XKR4: variants seen among roughly 807,000 people sequenced by gnomAD.
XKR4 encodes the protein XK-related protein 4.
In XKR4, 12 loss-of-function variants were observed where a neutral mutation model predicts 53.9. The observed-to-expected ratio is 0.22, with a 90% CI of 0.14 to 0.36. The LOEUF (loss-of-function observed/expected upper bound fraction) is 0.36, where lower values mean the gene tolerates loss of function less well. XKR4 is among the 10% of genes least tolerant of loss of function. XKR4 has a pLI of 1.00. For synonymous variants in XKR4, 354 were observed against 362.4 expected, an observed-to-expected ratio of 0.98 and a Z score of 0.26; for missense variants, 799 against 859.5, an observed-to-expected ratio of 0.93 and a Z score of 0.88.
intron 2 of XKR4, among the ~76,000 whole-genome samples, chr8:55,392,790 CAAAT>C (rs1019180808): frequency 6.6e-6 from 1 of 152,042 alleles, no homozygotes; most frequent in Non-Finnish European, 1.5e-5. Context: ...GACCCTTTCT[CAAAT>C]AAATAAATAA....
intron 2 of XKR4, chr8:55,454,661 C>A: frequency 1.0e-6 from 1 of 988,842 alleles, no homozygotes; most frequent in Non-Finnish European, 1.6e-6. Context: ...AGCAGGTTCC[C>A]AATTACGTTC....
At chr8:55,226,815 A>G (rs1817959337) in intron 1 of XKR4, among the ~76,000 whole-genome samples, 1 of 152,212 alleles carries the variant, frequency 6.6e-6, no homozygotes, top group East Asian at 1.9e-4. Flanking sequence ...CACTGACAGC[A>G]GAGTATCTTC....
intron 2 of XKR4, among the ~76,000 whole-genome samples, chr8:55,390,088 A>G (rs1009787574): frequency 6.6e-6 from 1 of 152,232 alleles, no homozygotes; most frequent in Non-Finnish European, 1.5e-5. Flanking sequence ...CTCAATTTCC[A>G]GTAAGTTTGT....
chr8:55,207,807 T>C (rs1276532597), intron 1 of XKR4, among the ~76,000 whole-genome samples: 1 of 151,974 alleles, frequency 6.6e-6, no homozygotes, highest in Non-Finnish European at 1.5e-5. Context: ...ATTTGGGCCA[T>C]GTGATTAAAT....
At chr8:55,224,865 G>A (rs1817931903) in intron 1 of XKR4, among the ~76,000 whole-genome samples, 1 of 152,088 alleles carries the variant, frequency 6.6e-6, no homozygotes, top group Non-Finnish European at 1.5e-5. Context: ...AGAAACATTG[G>A]TTTCAAATAA....
intron 1 of XKR4, among the ~76,000 whole-genome samples, chr8:55,255,508 G>T (rs953073050): frequency 6.6e-6 from 1 of 152,038 alleles, no homozygotes; most frequent in African/African-American, 2.4e-5. Context: ...GCGAAGACTG[G>T]GTCTTTTGTC....
At chr8:55,190,742 G>A (rs531253308) in intron 1 of XKR4, among the ~76,000 whole-genome samples, 2 of 152,252 alleles carry the variant, frequency 1.3e-5, no homozygotes, top group East Asian at 1.9e-4. Flanking sequence ...AGTATGTTGC[G>A]TTCTGGACCA....
intron 1 of XKR4, among the ~76,000 whole-genome samples, chr8:55,210,925 A>G (rs968540505): frequency 1.1e-4 from 17 of 152,124 alleles, no homozygotes; most frequent in African/African-American, 3.6e-4. Context: ...ACTCCATGCT[A>G]CTTTGTTCCC....
chr8:55,295,602 A>T (rs575554899), intron 1 of XKR4, among the ~76,000 whole-genome samples: 1 of 152,314 alleles, frequency 6.6e-6, no homozygotes, highest in East Asian at 1.9e-4. Context: ...ATGGAATAAA[A>T]GTTGTATGTG....
intron 1 of XKR4, among the ~76,000 whole-genome samples, chr8:55,186,452 G>A (rs1365504181): frequency 6.6e-6 from 1 of 151,964 alleles, no homozygotes; most frequent in Non-Finnish European, 1.5e-5. Flanking sequence ...TCAGGAGATC[G>A]AGACCATCCT....
At chr8:55,278,252 G>A (rs753111413) in intron 1 of XKR4, among the ~76,000 whole-genome samples, 1 of 150,538 alleles carries the variant, frequency 6.6e-6, no homozygotes, top group African/African-American at 2.4e-5. Context: ...CACAAGAATC[G>A]TTCCAACCCT....
At chr8:55,305,554 C>G (rs530636506) in intron 1 of XKR4, among the ~76,000 whole-genome samples, 2 of 152,272 alleles carry the variant, frequency 1.3e-5, no homozygotes, top group South Asian at 2.1e-4. Flanking sequence ...GAGTATGTCA[C>G]TTAGCATGTC....
At chr8:55,357,303 G>A (rs1445314542) in intron 1 of XKR4, among the ~76,000 whole-genome samples, 1 of 152,178 alleles carries the variant, frequency 6.6e-6, no homozygotes, top group African/African-American at 2.4e-5. Context: ...CTTTCATTCT[G>A]TCCTAGGAGA....
At chr8:55,304,571 A>T (rs4738056) in intron 1 of XKR4, among the ~76,000 whole-genome samples, 57,541 of 151,880 alleles carry the variant, frequency 0.38, 13,053 homozygotes, top group African/African-American at 0.65. Context: ...TCTGTTTAGT[A>T]GATCTGTCTA....
intron 1 of XKR4, among the ~76,000 whole-genome samples, chr8:55,312,912 C>G (rs1819408283): frequency 6.6e-6 from 1 of 152,172 alleles, no homozygotes. Flanking sequence ...TAGATGTGGA[C>G]TCTGTCTCCT....
At chr8:55,291,249 C>A (rs1271718738) in intron 1 of XKR4, among the ~76,000 whole-genome samples, 1 of 152,108 alleles carries the variant, frequency 6.6e-6, no homozygotes, top group African/African-American at 2.4e-5. Context: ...CCGATACCAC[C>A]CAGTCTTGAT....
intron 1 of XKR4, among the ~76,000 whole-genome samples, chr8:55,314,730 A>C (rs1306053451): frequency 6.6e-6 from 1 of 152,234 alleles, no homozygotes; most frequent in Non-Finnish European, 1.5e-5. Flanking sequence ...ACAGGCTCCC[A>C]AAGTCTGGGA....
chr8:55,349,905 A>G (rs1409988831), intron 1 of XKR4, among the ~76,000 whole-genome samples: 1 of 152,248 alleles, frequency 6.6e-6, no homozygotes, highest in Non-Finnish European at 1.5e-5. Context: ...AGTTTATTAC[A>G]GCATTGTTTA....
At chr8:55,269,275 T>C (rs1005658077) in intron 1 of XKR4, among the ~76,000 whole-genome samples, 2 of 148,908 alleles carry the variant, frequency 1.3e-5, no homozygotes, top group African/African-American at 5.0e-5. Flanking sequence ...CACTCTCTCT[T>C]TTTTTTTTGT....
Sources: gnomAD v4.1 joint callset for allele counts (sites outside exome capture counted in the v4.1 genomes callset) on GRCh38, gnomAD v4.1.1 for gene constraint, MANE v1.5 for transcripts, NCBI Gene and HGNC (gene_info 2026-07-23, HGNC 2026-07-21) for gene names.